FYN: variants seen among roughly 807,000 people sequenced by gnomAD.
The protein encoded by FYN is FYN proto-oncogene, Src family tyrosine kinase, also known as tyrosine-protein kinase Fyn.
In FYN, 10 loss-of-function variants were observed where a neutral mutation model predicts 70.2. That is an observed-to-expected ratio of 0.14 (90% CI 0.09 to 0.24). The LOEUF is 0.24. FYN is among the 10% of genes least tolerant of loss of function. FYN has a pLI of 1.00. For missense variants in FYN, 319 were observed against 673.1 expected, an observed-to-expected ratio of 0.47 and a Z score of 5.82; for synonymous variants, 236 against 248.6, an observed-to-expected ratio of 0.95 and a Z score of 0.48.
chr6:111,773,805 G>A (rs1169307129), intron 3 of FYN, among the ~76,000 whole-genome samples: 1 of 152,042 alleles, frequency 6.6e-6, no homozygotes, highest in Non-Finnish European at 1.5e-5. Flanking sequence ...ATTCAATATG[G>A]TTTTATTTTT....
rs955466945 is a variant in FYN, at chr6:111,873,303, G to A, written c.-458C>T. 2.0e-5 allele frequency: 3 copies of A among 151,000 alleles called. No individual in the cohort carries two copies. The highest frequency in any genetic ancestry group is 6.6e-5 in the Admixed American group (1 of 15,224). 9.4% of individuals were successfully genotyped at this position (151,000 alleles called of 1,614,324 possible). A position where few individuals can be genotyped will look rare whatever the true frequency, so the allele number is the denominator to read the frequency against. ...TACTCTCGCCGCCGGGCGGCGGGCG[G>A]GTCTCGAAGGCCTTCGGCTCGCGGC... On this transcript the variant is annotated 5_prime_UTR_variant, in exon 1 of 14. Transcript: ENST00000354650.
intron 13 of FYN, among the ~76,000 whole-genome samples, chr6:111,671,309 A>T (rs1233026555): frequency 6.6e-6 from 1 of 151,992 alleles, no homozygotes; most frequent in East Asian, 1.9e-4. Flanking sequence ...ATTTGGTCAC[A>T]CCTCACATAC....
intron 1 of FYN, among the ~76,000 whole-genome samples, chr6:111,847,750 C>T (rs766844957): frequency 3.3e-5 from 5 of 152,048 alleles, no homozygotes; most frequent in Admixed American, 2.0e-4. Context: ...AAAGATGACT[C>T]GGAATGAAGG....
intron 2 of FYN, among the ~76,000 whole-genome samples, chr6:111,811,597 C>A (rs1442838771): frequency 6.6e-6 from 1 of 152,158 alleles, no homozygotes; most frequent in African/African-American, 2.4e-5. Context: ...CTGTTCCAAC[C>A]TTACTTGACC....
intron 3 of FYN, among the ~76,000 whole-genome samples, chr6:111,760,541 T>C (rs1802958142): frequency 6.6e-6 from 1 of 152,116 alleles, no homozygotes. Context: ...CCCCTGGCTG[T>C]GAGGTCACAT....
chr6:111,759,282 T>C (rs775981030), intron 3 of FYN, among the ~76,000 whole-genome samples: 5 of 152,168 alleles, frequency 3.3e-5, no homozygotes, highest in Non-Finnish European at 7.4e-5. Context: ...AACCAGAACA[T>C]AGATCTTTTA....
At chr6:111,797,355 C>T (rs1771837954) in intron 2 of FYN, among the ~76,000 whole-genome samples, 2 of 151,894 alleles carry the variant, frequency 1.3e-5, no homozygotes, top group Non-Finnish European at 2.9e-5. Flanking sequence ...TAAATTTTTC[C>T]TAAGGTTTTT....
chr6:111,821,463 C>T (rs1376589768), intron 2 of FYN, among the ~76,000 whole-genome samples: 1 of 152,132 alleles, frequency 6.6e-6, no homozygotes, highest in Non-Finnish European at 1.5e-5. Context: ...CCTTTCCTTA[C>T]ACCTTATACA....
At chr6:111,841,214 C>T (rs191329047) in intron 2 of FYN, among the ~76,000 whole-genome samples, 34 of 152,342 alleles carry the variant, frequency 2.2e-4, no homozygotes, top group African/African-American at 7.5e-4. Flanking sequence ...TTTCACAGGG[C>T]GACCACCTTG....
chr6:111,784,445 T>G (rs921856962), intron 2 of FYN, among the ~76,000 whole-genome samples: 1 of 152,206 alleles, frequency 6.6e-6, no homozygotes, highest in African/African-American at 2.4e-5. Flanking sequence ...CTCGTTTTGC[T>G]CAGGGAACTG....
intron 7 of FYN, among the ~76,000 whole-genome samples, 155 bp from the exon 8 acceptor site, chr6:111,703,189 C>T (rs1190147745): frequency 6.6e-6 from 1 of 152,158 alleles, no homozygotes; most frequent in Non-Finnish European, 1.5e-5. Flanking sequence ...GAAGAAGATG[C>T]TTCTTGATGT....
chr6:111,782,149 T>A (rs774047491), intron 2 of FYN, among the ~76,000 whole-genome samples: 5 of 152,250 alleles, frequency 3.3e-5, no homozygotes, highest in Non-Finnish European at 7.3e-5. Context: ...AAAGCAGTAT[T>A]ATCTTATGCC....
At chr6:111,669,701 G>T (rs1249406268) in intron 13 of FYN, among the ~76,000 whole-genome samples, 1 of 152,040 alleles carries the variant, frequency 6.6e-6, no homozygotes, top group Non-Finnish European at 1.5e-5. Context: ...CAGGCTATGG[G>T]CTAAATTTAA....
At chr6:111,838,334 T>C (rs1773252824) in intron 2 of FYN, among the ~76,000 whole-genome samples, 1 of 152,186 alleles carries the variant, frequency 6.6e-6, no homozygotes, top group Admixed American at 6.5e-5. Flanking sequence ...TACTGCTCCA[T>C]CTCAGGGCAG....
At chr6:111,680,806 G>A (rs1199700584) in intron 12 of FYN, among the ~76,000 whole-genome samples, 1 of 152,114 alleles carries the variant, frequency 6.6e-6, no homozygotes, top group Non-Finnish European at 1.5e-5. Context: ...GTAAAACTTA[G>A]CATATTCCAA....
chr6:111,760,115 C>T (rs958628564), intron 3 of FYN, among the ~76,000 whole-genome samples: 2 of 152,008 alleles, frequency 1.3e-5, no homozygotes, highest in African/African-American at 4.8e-5. Context: ...TCACCCATAC[C>T]GTACTGTGAA....
intron 4 of FYN, among the ~76,000 whole-genome samples, chr6:111,716,853 C>T (rs706891): frequency 0.13 from 19,723 of 149,304 alleles, 2,510 homozygotes; most frequent in African/African-American, 0.33. Flanking sequence ...GGCATAATCT[C>T]AGCTCACTGC....
intron 3 of FYN, among the ~76,000 whole-genome samples, chr6:111,766,615 C>T (rs1803238278): frequency 6.6e-6 from 1 of 152,162 alleles, no homozygotes; most frequent in Non-Finnish European, 1.5e-5. Context: ...CTGGGAAGGC[C>T]TCAGGAAACT....
intron 3 of FYN, among the ~76,000 whole-genome samples, chr6:111,732,487 G>C (rs772556657): frequency 1.3e-4 from 20 of 151,934 alleles, no homozygotes; most frequent in Non-Finnish European, 4.4e-5. Context: ...GAGCGGTGGA[G>C]GGTGAAGGCG....
Sources: allele counts gnomAD v4.1 joint callset (sites outside exome capture counted in the v4.1 genomes callset), GRCh38; gene constraint gnomAD v4.1.1; transcripts MANE v1.5; gene names NCBI Gene and HGNC (gene_info 2026-07-23, HGNC 2026-07-21).